TBC1D2B: variants seen among roughly 807,000 people sequenced by gnomAD.
The protein encoded by TBC1D2B is TBC1 domain family member 2B, also known as TBC1 domain family, member 2B.
In TBC1D2B, 64 loss-of-function variants were observed where a neutral mutation model predicts 100.8. The ratio of observed to expected loss-of-function variants is 0.64; its 90% confidence interval spans 0.52 to 0.78. The LOEUF (loss-of-function observed/expected upper bound fraction) is 0.78, where lower values mean the gene tolerates loss of function less well. TBC1D2B is among the 30% of genes least tolerant of loss of function. TBC1D2B has a pLI of 0.00. For missense variants in TBC1D2B, 1,052 were observed against 1,218.4 expected (o/e 0.86, Z 2.03); for synonymous variants, 480 against 479.7 (o/e 1.00, Z -0.01).
intron 3 of TBC1D2B, among the ~76,000 whole-genome samples, chr15:78,032,528 A>G (rs1004839530): frequency 2.0e-5 from 3 of 151,932 alleles, no homozygotes; most frequent in African/African-American, 7.2e-5. Context: ...CACAATGAGG[A>G]AAAAAAATCA....
intron 4 of TBC1D2B, among the ~76,000 whole-genome samples, chr15:78,028,490 T>C (rs548445449): frequency 3.9e-5 from 6 of 152,214 alleles, no homozygotes; most frequent in African/African-American, 9.6e-5. Context: ...AATAAATAAA[T>C]CTAGGATTGT....
At chr15:78,052,517 A>G (rs182498258) in intron 2 of TBC1D2B, among the ~76,000 whole-genome samples, 1 of 152,216 alleles carries the variant, frequency 6.6e-6, no homozygotes, top group Non-Finnish European at 1.5e-5. Context: ...GGAGAAACAA[A>G]TATGGGCTTC....
intron 2 of TBC1D2B, chr15:78,053,799 T>A: frequency 2.3e-6 from 1 of 441,002 alleles, no homozygotes; most frequent in Middle Eastern, 6.0e-4. Flanking sequence ...CATGCTGACC[T>A]TAGTCGTATC....
chr15:78,040,654 A>AAGAAAAAGAAAGAAAGAAG (rs1567025988), intron 3 of TBC1D2B, among the ~76,000 whole-genome samples: 1 of 3,156 alleles, frequency 3.2e-4, no homozygotes, highest in South Asian at 4.3e-3. Context: ...AAGGAAGAGA[A>AAGAAAAAGAAAGAAAGAAG]AGAAAGAAAG....
intron 11 of TBC1D2B, 57 bp downstream of exon 11, chr15:78,003,248 G>T: frequency 2.0e-6 from 3 of 1,531,568 alleles, no homozygotes; most frequent in Non-Finnish European, 2.7e-6. Flanking sequence ...CGCCACCAAC[G>T]CTGCTGACGG....
chr15:78,064,978 AT>A (rs971921719), intron 1 of TBC1D2B, among the ~76,000 whole-genome samples: 2 of 152,210 alleles, frequency 1.3e-5, no homozygotes, highest in African/African-American at 4.8e-5. Flanking sequence ...AAATAATTGT[AT>A]CTTATTAAAA....
rs2073848196 is a variant in TBC1D2B, at chr15:78,077,423, A to G, written c.230T>C (p.Leu77Pro). The change falls in exon 1 of 13, where the codon CTG becomes CCG. Residue 77 changes from leucine (L) to proline (P), a missense_variant. Leu to Pro is a moderately conservative substitution (Grantham distance 98). This residue lies in a region of TBC1D2B where 627 missense variants were observed against 646.1 expected (regional missense o/e 0.97). Coordinates refer to ENST00000300584, the MANE Select transcript of TBC1D2B (RefSeq NM_144572.2). ...LYYFKSPQDA[L>P]PLGHLDIADA... ...CGCGATGTCCAAGTGGCCGAGGGGC[A>G]GCGCGTCCTGCGGACTCTTGAAATA... 12 of 1,546,028 alleles carry G rather than the reference A, an allele frequency of 7.8e-6. No individual in the cohort carries two copies. Among genetic ancestry groups the G allele is most frequent in the African/African-American group, 1.4e-5 (1 of 72,292 alleles).
intron 3 of TBC1D2B, among the ~76,000 whole-genome samples, chr15:78,031,345 G>C (rs560521997): frequency 1.3e-5 from 2 of 152,152 alleles, no homozygotes; most frequent in South Asian, 2.1e-4. Context: ...CCTGAGGTCA[G>C]GAGTTTAAGA....
chr15:78,022,706 T>C (rs1394251916), intron 6 of TBC1D2B, among the ~76,000 whole-genome samples: 3 of 150,450 alleles, frequency 2.0e-5, no homozygotes, highest in Non-Finnish European at 4.4e-5. Flanking sequence ...CAAGCCACCA[T>C]GCCTGGCCAT....
At chr15:78,048,881 T>C (rs1487008661) in intron 2 of TBC1D2B, among the ~76,000 whole-genome samples, 1 of 152,174 alleles carries the variant, frequency 6.6e-6, no homozygotes. Context: ...CAGAACTGTG[T>C]ACAGTGGGAG....
At chr15:78,059,820 T>C (rs1452919718) in intron 1 of TBC1D2B, among the ~76,000 whole-genome samples, 1 of 152,070 alleles carries the variant, frequency 6.6e-6, no homozygotes, top group Non-Finnish European at 1.5e-5. Flanking sequence ...CACAATAAAG[T>C]TGTTTGATTA....
chr15:78,019,494 T>G (rs923440265), intron 6 of TBC1D2B, among the ~76,000 whole-genome samples: 1 of 152,106 alleles, frequency 6.6e-6, no homozygotes, highest in Non-Finnish European at 1.5e-5. Context: ...TTCAAGTACT[T>G]GTCACGTCAT....
chr15:78,013,097 C>T lies in TBC1D2B; in HGVS notation c.1996G>A (p.Glu666Lys), dbSNP rs755446116. Residue 666 changes from glutamate to lysine, a missense_variant, in exon 9 of 13, where the codon GAG becomes AAG. This residue lies in a region of TBC1D2B where 373 missense variants were observed against 464.9 expected (regional missense o/e 0.80). Coordinates refer to ENST00000300584, the MANE Select transcript of TBC1D2B (RefSeq NM_144572.2). ...CACTTCCACACCTTGGAACGGTGCT[C>T]GTGGGGAATGCCCGCACGGATGAGG... ...KNLIRAGIPH[E>K]HRSKVWKWCV... is the part of the protein sequence containing the mutation. The T allele has an allele frequency of 6.8e-6, 11 of 1,613,856 alleles. No individual in the cohort carries two copies. The Admixed American group carries it at 1.0e-4, about 15-fold the overall frequency.
chr15:77,998,611 C>T (rs1168277376), intron 12 of TBC1D2B: 1 of 441,344 alleles, frequency 2.3e-6, no homozygotes, highest in Non-Finnish European at 4.1e-6. Context: ...AAGTCACCCC[C>T]CTTTTCTGGC....
chr15:78,034,592 T>TCA, intron 3 of TBC1D2B: 1 of 985,050 alleles, frequency 1.0e-6, no homozygotes, highest in Non-Finnish European at 1.2e-6. Context: ...AACAGTAATT[T>TCA]CAGTGACTTA....
At chr15:78,030,227 T>C in intron 3 of TBC1D2B, 57 bp from the exon 4 acceptor site, 8 of 1,499,854 alleles carry the variant, frequency 5.3e-6, no homozygotes, top group East Asian at 2.3e-5. Flanking sequence ...CAAAACGTAA[T>C]CTCATGTATA....
At chr15:78,060,768 T>G (rs1596328819) in intron 1 of TBC1D2B, among the ~76,000 whole-genome samples, 1 of 151,810 alleles carries the variant, frequency 6.6e-6, no homozygotes. Context: ...AATACCAAAA[T>G]TAGCCAGGTG....
rs2072901114 is a variant in TBC1D2B at position 78,034,587 on chromosome 15, T to G, written c.684-4417A>C. The G allele has an allele frequency of 5.1e-6, 5 of 984,966 alleles. No individual in the cohort carries two copies. In the South Asian group the frequency reaches 2.4e-4, roughly 46 times the overall value. 61.0% of individuals were successfully genotyped at this position (984,966 alleles called of 1,614,324 possible). ...CACACGGCCTGGGGAGAGAGAACAG[T>G]AATTTCAGTGACTTAGAACTGCCAC... On this transcript the variant is annotated intron_variant, in intron 3 of 12. Transcript: ENST00000300584.
At position 78,077,685 on chromosome 15, in the gene TBC1D2B, C is replaced by T. The variant is rs1464772725; in HGVS notation, c.-33G>A. 4.6e-5 allele frequency: 45 copies of T among 986,134 alleles called. No individual in the cohort carries two copies. The highest frequency in any genetic ancestry group is 5.4e-5 in the Non-Finnish European group (45 of 831,046). 61.1% of individuals were successfully genotyped at this position (986,134 alleles called of 1,614,324 possible). A position where few individuals can be genotyped will look rare whatever the true frequency, so the allele number is the denominator to read the frequency against. ...GCGCGCCAACCGTAGGCGCCCGCGC[C>T]CTGCGCCTCCGCGCCGCGGCCGCTG... On this transcript the variant is annotated 5_prime_UTR_variant, in exon 1 of 13. Coordinates refer to ENST00000300584, the MANE Select transcript of TBC1D2B (RefSeq NM_144572.2).
Sources: allele counts gnomAD v4.1 joint callset (sites outside exome capture counted in the v4.1 genomes callset), GRCh38; gene constraint gnomAD v4.1.1; regional missense constraint gnomAD v4.1.1; transcripts MANE v1.5; gene names NCBI Gene and HGNC (gene_info 2026-07-23, HGNC 2026-07-21).